Variants in BNIPL observed in about 807,000 individuals in gnomAD.
BNIPL encodes the protein BCL2 interacting protein like.
Under a neutral mutation model 47.0 loss-of-function variants are expected in BNIPL, and 33 were observed. The observed-to-expected ratio is 0.70, with a 90% CI of 0.53 to 0.94. The LOEUF is 0.94. BNIPL is among the 40% of genes least tolerant of loss of function. BNIPL has a pLI of 0.00. For missense variants in BNIPL, 404 were observed against 445.2 expected, an observed-to-expected ratio of 0.91 and a Z score of 0.83; for synonymous variants, 145 against 162.7, an observed-to-expected ratio of 0.89 and a Z score of 0.83.
At chr1:151,045,924 C>G in intron 8 of BNIPL, 41 bp downstream of exon 8, 1 of 1,613,880 alleles carries the variant, frequency 6.2e-7, no homozygotes, top group Admixed American at 1.7e-5. Context: ...TCCTTCCCCC[C>G]ATTTTCAAAA....
At chr1:151,039,951 A>G (rs967701438) in intron 4 of BNIPL, among the ~76,000 whole-genome samples, 4 of 152,140 alleles carry the variant, frequency 2.6e-5, no homozygotes, top group Admixed American at 6.5e-5. Context: ...GGGTTTCGCC[A>G]TGTTGGCCAG....
At chr1:151,038,100 C>G (rs587678261) in intron 2 of BNIPL, among the ~76,000 whole-genome samples, 5 of 147,180 alleles carry the variant, frequency 3.4e-5, no homozygotes, top group African/African-American at 1.3e-4. Flanking sequence ...AGAGGCCGGG[C>G]GTGGTGGCTG....
intron 1 of BNIPL, chr1:151,037,317 G>A: frequency 1.7e-6 from 2 of 1,168,542 alleles, no homozygotes; most frequent in East Asian, 4.8e-5. Flanking sequence ...CTTTGTAGGT[G>A]GAGCAACTGC....
intron 2 of BNIPL, among the ~76,000 whole-genome samples, chr1:151,038,026 A>AGC (rs1675685795): frequency 8.8e-6 from 1 of 113,810 alleles, no homozygotes; most frequent in Admixed American, 9.8e-5. Flanking sequence ...AAAAAAAAAA[A>AGC]AAAGCAAATG....
chr1:151,044,419 C>G (rs1371464730), intron 7 of BNIPL, among the ~76,000 whole-genome samples: 1 of 152,182 alleles, frequency 6.6e-6, no homozygotes, highest in Non-Finnish European at 1.5e-5. Flanking sequence ...CCATTTATTT[C>G]CCTTTCCACA....
intron 1 of BNIPL, 63 bp downstream of exon 1, chr1:151,036,829 C>T (rs1675615551): frequency 6.8e-7 from 1 of 1,476,376 alleles, no homozygotes; most frequent in Non-Finnish European, 9.5e-7. Context: ...GAGACTTCCC[C>T]ACCACCCAGC....
intron 4 of BNIPL, among the ~76,000 whole-genome samples, chr1:151,040,451 G>A (rs1284451515): frequency 6.6e-6 from 1 of 152,058 alleles, no homozygotes; most frequent in Non-Finnish European, 1.5e-5. Flanking sequence ...AAAGTGTTGG[G>A]ATTACAGGCA....
chr1:151,038,882 A>G lies in BNIPL; in HGVS notation c.289A>G (p.Thr97Ala), dbSNP rs1372300856. The G allele has an allele frequency of 1.2e-6, 2 of 1,613,942 alleles. No homozygotes were observed. The highest frequency in any genetic ancestry group is 2.7e-5 in the African/African-American group (2 of 74,916). The change falls in exon 4 of 10, where the codon ACT becomes GCT. Residue 97 changes from threonine to alanine, a missense_variant. Physicochemically the swap from Thr to Ala is moderately conservative, Grantham distance 58 (BLOSUM62 0). Coordinates refer to ENST00000368931, the MANE Select transcript of BNIPL (RefSeq NM_138278.4). ...TGCCCCAGAGTTGCGGCTGAGTCTG[A>G]CTAAGGGGCCTGGAAATGATGGAGC... ...LSAPELRLSL[T>A]KGPGNDGASP...
rs747268687 is a variant in BNIPL at position 151,036,697 on chromosome 1, T to G, written c.-29T>G. 1.9e-6 allele frequency: 3 copies of G among 1,598,206 alleles called. No individual in the cohort carries two copies. The highest frequency in any genetic ancestry group is 2.6e-6 in the Non-Finnish European group (3 of 1,165,698). On this transcript the variant is annotated 5_prime_UTR_variant, in exon 1 of 10. Transcript: ENST00000368931. ...AGCTCCCCAACAACTCCTAGGTGTTTAAAGAAGGAGGCAGGAAGACTTGTG... is the reference window on the plus strand; with the variant it reads ...AGCTCCCCAACAACTCCTAGGTGTTGAAAGAAGGAGGCAGGAAGACTTGTG...
At chr1:151,042,231 G>A (rs1317828674) in intron 4 of BNIPL, among the ~76,000 whole-genome samples, 2 of 151,518 alleles carry the variant, frequency 1.3e-5, no homozygotes, top group African/African-American at 2.4e-5. Flanking sequence ...ATGATTTTGA[G>A]TTCCATTTTT....
rs2102970224 is a variant in BNIPL at position 151,047,714 on chromosome 1, C to T, written c.*1027C>T. Reference sequence around the variant, plus strand: ...CGCGGCCCGCGCGAGCGCGCCTGCGCGTCGAACCCCACCCCCTTCCCCGCG... The same window carrying T: ...CGCGGCCCGCGCGAGCGCGCCTGCGTGTCGAACCCCACCCCCTTCCCCGCG... On this transcript the variant is annotated 3_prime_UTR_variant, in exon 10 of 10. Coordinates refer to ENST00000368931, the MANE Select transcript of BNIPL (RefSeq NM_138278.4). 5 of 1,386,362 alleles carry T rather than the reference C, an allele frequency of 3.6e-6. No homozygotes were observed. In the East Asian group the frequency reaches 1.3e-4, roughly 37 times the overall value. The allele number at this position is 1,386,362 out of a possible 1,614,324, so 85.9% of individuals were successfully genotyped here.
At chr1:151,038,452 C>A in intron 2 of BNIPL, 52 bp from the exon 3 acceptor site, 1 of 1,361,702 alleles carries the variant, frequency 7.3e-7, no homozygotes, top group Non-Finnish European at 1.1e-6. Context: ...TGAGTCCTGG[C>A]TTGATGCCTT....
rs763649370 is a variant in BNIPL, at chr1:151,036,778, C to T, written c.41+12C>T. 1.1e-5 allele frequency: 18 copies of T among 1,599,702 alleles called. No homozygotes were observed. The highest frequency in any genetic ancestry group is 1.7e-4 in the Middle Eastern group (1 of 6,058). The stretch of plus-strand genomic sequence containing the variant: ...AAGACAGATGTTGGGTAAGTAAGAT[C>T]TTGGCTCACTTGATTGGTAACAGTG... On this transcript the variant is annotated intron_variant, in intron 1 of 9. Transcript: ENST00000368931.
chr1:151,043,076 C>A lies in BNIPL; in HGVS notation c.554C>A (p.Pro185Gln). 2 of 1,611,214 alleles carry A rather than the reference C, an allele frequency of 1.2e-6. No individual in the cohort carries two copies. Among genetic ancestry groups the A allele is most frequent in the Non-Finnish European group, 8.5e-7 (1 of 1,179,308 alleles). The change falls in exon 5 of 10, where the codon CCA becomes CAA. Residue 185 changes from proline (P) to glutamine (Q), a missense_variant. Pro to Gln is a moderately conservative substitution (Grantham distance 76, BLOSUM62 -1). Transcript: ENST00000368931. ...CACTGGAGGGTGTTCCGAATGGGACCACGGGAGCAGCGCGTAGACATGACT... is the reference window on the plus strand; with the variant it reads ...CACTGGAGGGTGTTCCGAATGGGACAACGGGAGCAGCGCGTAGACATGACT... Reference protein sequence around the residue: ...GHHWRVFRMGPREQRVDMTVI... With the variant: ...GHHWRVFRMGQREQRVDMTVI...
intron 4 of BNIPL, 92 bp downstream of exon 4, chr1:151,039,118 T>C: frequency 1.5e-6 from 2 of 1,367,452 alleles, no homozygotes; most frequent in African/African-American, 1.5e-5. Flanking sequence ...TTAGAACTAA[T>C]AAGGTGGGAC....
intron 4 of BNIPL, among the ~76,000 whole-genome samples, chr1:151,041,554 G>A (rs1282390873): frequency 1.3e-5 from 2 of 151,980 alleles, no homozygotes; most frequent in African/African-American, 2.4e-5. Context: ...AGCAAAGGTC[G>A]AGCCACTGTA....
At position 151,045,558 on chromosome 1, in the gene BNIPL, C is replaced by CAAAA. The variant is rs587769189; in HGVS notation, c.852-221_852-218dup. ...CAGGCGACAGAGTGAGACTCCGTCT[C>CAAAA]AAAAAAAAAAAAAAAAAAAAATCTT... On this transcript the variant is annotated intron_variant, in intron 7 of 9. Coordinates refer to ENST00000368931, the MANE Select transcript of BNIPL (RefSeq NM_138278.4). The CAAAA allele has an allele frequency of 4.0e-3, 991 of 247,276 alleles. 1 individual carries two copies. Among genetic ancestry groups the CAAAA allele is most frequent in the East Asian group, 6.8e-3 (53 of 7,742 alleles). The allele number at this position is 247,276 out of a possible 1,614,324, so 15.3% of individuals were successfully genotyped here.
chr1:151,039,718 T>A (rs1675753169), intron 4 of BNIPL, among the ~76,000 whole-genome samples: 1 of 152,188 alleles, frequency 6.6e-6, no homozygotes, highest in Non-Finnish European at 1.5e-5. Flanking sequence ...GTTTAGGTTT[T>A]ATCTTATAGA....
intron 8 of BNIPL, 86 bp from the exon 9 acceptor site, chr1:151,045,981 A>T: frequency 6.2e-7 from 1 of 1,611,740 alleles, no homozygotes; most frequent in Non-Finnish European, 8.5e-7. Flanking sequence ...AGCCTTAACC[A>T]CTCTACTTCT....
Sources: allele counts gnomAD v4.1 joint callset (sites outside exome capture counted in the v4.1 genomes callset), GRCh38; gene constraint gnomAD v4.1.1; transcripts MANE v1.5; gene names NCBI Gene and HGNC (gene_info 2026-07-23, HGNC 2026-07-21).